PTPRD: variants seen among roughly 807,000 people sequenced by gnomAD.
The protein encoded by PTPRD is protein tyrosine phosphatase receptor type D, also known as receptor-type tyrosine-protein phosphatase delta.
A neutral mutation model predicts 214.5 loss-of-function variants in PTPRD; 34 were observed. That is an observed-to-expected ratio of 0.16 (90% confidence interval 0.12 to 0.21). The LOEUF (loss-of-function observed/expected upper bound fraction) is 0.21. PTPRD is among the 10% of genes least tolerant of loss of function. The probability of loss-of-function intolerance (pLI) is 1.00; values close to 1 mark genes in which losing one functional copy is unlikely to be tolerated. For synonymous variants in PTPRD, 1,128 were observed against 845.7 expected (o/e 1.33, Z -5.79); for missense variants, 2,545 against 2,398.7 (o/e 1.06, Z -1.27).
chr9:10,268,933 G>A (rs1187797438), intron 3 of PTPRD, among the ~76,000 whole-genome samples: 2 of 152,148 alleles, frequency 1.3e-5, no homozygotes, highest in African/African-American at 4.8e-5. Context: ...GTTGTAGAAT[G>A]CCTGGCAGTA....
In PTPRD at chr9:8,314,448, A is replaced by G. The variant is rs1309147672; in HGVS notation, c.*3426T>C. 1 of 230,992 alleles carries G rather than the reference A, an allele frequency of 4.3e-6. No homozygotes were observed. The highest frequency in any genetic ancestry group is 5.7e-5 in the Admixed American group (1 of 17,664). 14.3% of individuals were successfully genotyped at this position (230,992 alleles called of 1,614,324 possible). ...TTTTTAACAAGCCATTTTACAAGTT[A>G]TTTGTTTTAATTTTTCAGTCTATGC... On this transcript the variant is annotated 3_prime_UTR_variant, in exon 46 of 46. Coordinates refer to ENST00000381196, the MANE Select transcript of PTPRD (RefSeq NM_002839.4).
intron 3 of PTPRD, among the ~76,000 whole-genome samples, chr9:10,062,402 T>A (rs2097790793): frequency 6.6e-6 from 1 of 151,908 alleles, no homozygotes; most frequent in Admixed American, 6.6e-5. Flanking sequence ...GGTCAGGAGT[T>A]CAAAACCAGC....
chr9:8,873,385 C>A (rs1349661739), intron 11 of PTPRD, among the ~76,000 whole-genome samples: 3 of 152,090 alleles, frequency 2.0e-5, no homozygotes, highest in African/African-American at 7.2e-5. Flanking sequence ...TCTTTAATAT[C>A]TTCTTTTTCC....
chr9:10,378,145 C>T (rs1026205788), intron 2 of PTPRD, among the ~76,000 whole-genome samples: 2 of 152,012 alleles, frequency 1.3e-5, no homozygotes, highest in African/African-American at 4.8e-5. Flanking sequence ...TTTTGATTTG[C>T]ATTTCTCTGA....
At chr9:8,480,837 G>C (rs1273336688) in intron 30 of PTPRD, among the ~76,000 whole-genome samples, 4 of 152,130 alleles carry the variant, frequency 2.6e-5, no homozygotes, top group Non-Finnish European at 5.9e-5. Context: ...CTCATTTTCA[G>C]ATTTCTAGAT....
At chr9:10,402,796 C>T (rs2098291967) in intron 2 of PTPRD, among the ~76,000 whole-genome samples, 1 of 151,636 alleles carries the variant, frequency 6.6e-6, no homozygotes, top group South Asian at 2.1e-4. Flanking sequence ...GGTCTCCAGT[C>T]ATCTAATGTG....
chr9:9,661,201 C>A (rs899329186), intron 7 of PTPRD, among the ~76,000 whole-genome samples: 1 of 151,802 alleles, frequency 6.6e-6, no homozygotes, highest in East Asian at 1.9e-4. Flanking sequence ...GTGGACCTGT[C>A]CCTTCCTCAT....
At chr9:9,221,266 G>A (rs1489622857) in intron 9 of PTPRD, among the ~76,000 whole-genome samples, 1 of 152,236 alleles carries the variant, frequency 6.6e-6, no homozygotes, top group Non-Finnish European at 1.5e-5. Flanking sequence ...GATGATGCAT[G>A]ACATGATCAG....
At chr9:8,524,881 T>G in intron 18 of PTPRD, 44 bp downstream of exon 18, 75 of 1,546,634 alleles carry the variant, frequency 4.8e-5, no homozygotes, top group Non-Finnish European at 6.3e-5. Context: ...CAACTCCCCC[T>G]GAGCCTGAAT....
chr9:8,728,854 C>G (rs1033553870), intron 12 of PTPRD, among the ~76,000 whole-genome samples: 1 of 151,998 alleles, frequency 6.6e-6, no homozygotes. Flanking sequence ...GTGGCAGGGG[C>G]CTGTAATCCC....
At chr9:8,548,261 G>C (rs931358735) in intron 14 of PTPRD, among the ~76,000 whole-genome samples, 1 of 152,182 alleles carries the variant, frequency 6.6e-6, no homozygotes, top group Non-Finnish European at 1.5e-5. Flanking sequence ...GGAAGACAGT[G>C]TGCAAGGTCT....
At chr9:9,572,550 CAT>C (rs1045877439) in intron 8 of PTPRD, among the ~76,000 whole-genome samples, 9 of 121,164 alleles carry the variant, frequency 7.4e-5, no homozygotes, top group Admixed American at 4.0e-4. Context: ...TATACAATGG[CAT>C]ATATATATGT....
chr9:8,549,617 A>ATATT (rs2081393526), intron 14 of PTPRD, among the ~76,000 whole-genome samples: 2 of 152,216 alleles, frequency 1.3e-5, no homozygotes, highest in African/African-American at 4.8e-5. Context: ...ATATGTGTGA[A>ATATT]TATTTGCCTT....
intron 11 of PTPRD, among the ~76,000 whole-genome samples, chr9:8,736,138 G>C (rs1205783514): frequency 6.6e-6 from 1 of 152,202 alleles, no homozygotes; most frequent in East Asian, 1.9e-4. Context: ...TTTCAGGTGA[G>C]AAGTGACACA....
chr9:8,561,396 T>A (rs998660723), intron 14 of PTPRD, among the ~76,000 whole-genome samples: 4 of 152,164 alleles, frequency 2.6e-5, no homozygotes, highest in Non-Finnish European at 5.9e-5. Flanking sequence ...AAAATTCTTC[T>A]CTGCCCATCC....
intron 2 of PTPRD, among the ~76,000 whole-genome samples, chr9:10,424,292 G>A (rs2098590121): frequency 6.6e-6 from 1 of 150,934 alleles, no homozygotes; most frequent in Non-Finnish European, 1.5e-5. Context: ...CATAAATAAA[G>A]CTTGATAATA....
chr9:8,903,786 G>C (rs936081183), intron 11 of PTPRD, among the ~76,000 whole-genome samples: 1 of 146,480 alleles, frequency 6.8e-6, no homozygotes, highest in South Asian at 2.1e-4. Context: ...CTATTTAAAA[G>C]ACTACTCTGT....
At chr9:8,338,656 G>A (rs1229934775) in intron 43 of PTPRD, among the ~76,000 whole-genome samples, 1 of 152,016 alleles carries the variant, frequency 6.6e-6, no homozygotes, top group Non-Finnish European at 1.5e-5. Context: ...TTCCCAGCAC[G>A]AACACTCACC....
At chr9:8,519,729 G>A (rs1287341776) in intron 20 of PTPRD, among the ~76,000 whole-genome samples, 1 of 152,002 alleles carries the variant, frequency 6.6e-6, no homozygotes, top group Non-Finnish European at 1.5e-5. Flanking sequence ...CTGTTCTTTT[G>A]TTTTGATTTA....
Sources: allele counts gnomAD v4.1 joint callset (sites outside exome capture counted in the v4.1 genomes callset), GRCh38; gene constraint gnomAD v4.1.1; transcripts MANE v1.5; gene names NCBI Gene and HGNC (gene_info 2026-07-23, HGNC 2026-07-21).